CCDC33: variants seen among roughly 807,000 people sequenced by gnomAD.
CCDC33 encodes coiled-coil domain-containing protein 33.
A neutral mutation model predicts 91.9 loss-of-function variants in CCDC33; 94 were observed. The observed-to-expected ratio is 1.02, with a 90% CI of 0.87 to 1.21. CCDC33 has a LOEUF of 1.21. Ranked by LOEUF, CCDC33 falls within the 50% of genes most tolerant of loss-of-function variation. The probability of loss-of-function intolerance (pLI) is 0.00; values close to 1 mark genes in which losing one functional copy is unlikely to be tolerated. For missense variants in CCDC33, 940 were observed against 935.5 expected (o/e 1.00, Z -0.06); for synonymous variants, 396 against 374.5 (o/e 1.06, Z -0.66).
chr15:74,266,642 T>C (rs2076172874), intron 3 of CCDC33, 36 bp from the exon 4 acceptor site: 3 of 1,453,354 alleles, frequency 2.1e-6, no homozygotes, highest in Non-Finnish European at 1.9e-6. Context: ...GGGATCCATT[T>C]AAAAATAAAC....
At chr15:74,333,001 T>A in intron 16 of CCDC33, 156 bp downstream of exon 16, 1 of 884,046 alleles carries the variant, frequency 1.1e-6, no homozygotes, top group Non-Finnish European at 1.7e-6. Flanking sequence ...CAGGCCTTGG[T>A]CTTTTTCTCC....
intron 5 of CCDC33, 72 bp downstream of exon 5, chr15:74,268,530 C>T: frequency 8.3e-7 from 1 of 1,202,350 alleles, no homozygotes; most frequent in Non-Finnish European, 1.2e-6. Context: ...GGCCCCACGC[C>T]TTGCCCTTAG....
In CCDC33 at chr15:74,328,237, G is replaced by A. The variant is rs548540818; in HGVS notation, c.1291-1952G>A. Among the ~76,000 whole-genome samples, 4 of 152,294 alleles carry A rather than the reference G, an allele frequency of 2.6e-5. 1 individual carries two copies. Among genetic ancestry groups the A allele is most frequent in the African/African-American group, 9.6e-5 (4 of 41,568 alleles). On this transcript the variant is annotated intron_variant, in intron 11 of 18. Coordinates refer to ENST00000398814, the MANE Select transcript of CCDC33 (RefSeq NM_025055.5). ...AGCAAAGGAAGGGCCTGGGAGCTCTGGGGGCAGCAAGGAGGAAGAGGAAGG... is the reference window on the plus strand; with the variant it reads ...AGCAAAGGAAGGGCCTGGGAGCTCTAGGGGCAGCAAGGAGGAAGAGGAAGG...
chr15:74,253,183 T>C (rs1436388471), intron 2 of CCDC33, among the ~76,000 whole-genome samples: 1 of 152,172 alleles, frequency 6.6e-6, no homozygotes, highest in Non-Finnish European at 1.5e-5. Context: ...GGTGTCCTCA[T>C]TGCATCCTGC....
At chr15:74,229,610 A>G (rs2074905670) in intron 2 of CCDC33, among the ~76,000 whole-genome samples, 2 of 152,232 alleles carry the variant, frequency 1.3e-5, no homozygotes, top group Admixed American at 6.5e-5. Flanking sequence ...ACTGTTAGCT[A>G]TTATTATGAG....
In CCDC33 at chr15:74,244,082, C is replaced by A; in HGVS notation, c.119C>A (p.Thr40Asn). Residue 40 changes from threonine (T) to asparagine (N), a missense_variant, in exon 2 of 19, where the codon ACC (threonine) becomes AAC (asparagine). Thr to Asn is a moderately conservative substitution (Grantham distance 65). Transcript: ENST00000398814. The surrounding 1 kb of genome is among the most constrained non-coding windows in gnomAD (Gnocchi z 4.2). ...SPSKKETIMV[T>N]LHGATNLPAC... is the part of the protein sequence containing the mutation. ...TCTAAGAAGGAGACCATCATGGTCA[C>A]CCTCCATGGGGCTACCAACCTGCCT... 6.2e-7 allele frequency: 1 copy of A among 1,614,054 alleles called. No homozygotes were observed. Among genetic ancestry groups the A allele is most frequent in the Non-Finnish European group, 8.5e-7 (1 of 1,179,982 alleles).
At chr15:74,231,565 C>T (rs931342479), upstream of CCDC33, among the ~76,000 whole-genome samples, 6 of 152,302 alleles carry the variant, frequency 3.9e-5, no homozygotes, top group African/African-American at 1.4e-4. Flanking sequence ...AGCTGCGACT[C>T]CTTTCCCAGA....
intron 18 of CCDC33, 191 bp from the exon 19 acceptor site, chr15:74,335,734 C>T (rs1172562937): frequency 3.5e-6 from 2 of 579,310 alleles, no homozygotes; most frequent in South Asian, 2.0e-5. Flanking sequence ...TGCACACTCA[C>T]CTGAGCCCTG....
At chr15:74,258,439 G>A (rs756187894) in intron 2 of CCDC33, among the ~76,000 whole-genome samples, 1 of 152,168 alleles carries the variant, frequency 6.6e-6, no homozygotes, top group Admixed American at 6.5e-5. Context: ...CTTGACTATT[G>A]TTCATGATTT....
intron 2 of CCDC33, among the ~76,000 whole-genome samples, chr15:74,250,559 C>T (rs1162734922): frequency 6.6e-6 from 1 of 152,206 alleles, no homozygotes; most frequent in Non-Finnish European, 1.5e-5. Context: ...TCCCTCATTA[C>T]ATGTTTTCAT....
At chr15:74,295,242 C>A (rs948971301) in intron 10 of CCDC33, among the ~76,000 whole-genome samples, 1 of 152,218 alleles carries the variant, frequency 6.6e-6, no homozygotes, top group Non-Finnish European at 1.5e-5. Flanking sequence ...AGGTTCCTTG[C>A]TGACATGGGA....
chr15:74,236,945 G>A (rs768186022), intron 1 of CCDC33, among the ~76,000 whole-genome samples: 1 of 152,228 alleles, frequency 6.6e-6, no homozygotes, highest in Non-Finnish European at 1.5e-5. Context: ...CACGGGAACT[G>A]GAATGCAGTG....
intron 10 of CCDC33, 131 bp downstream of exon 10, chr15:74,281,980 T>G: frequency 1.4e-6 from 1 of 730,638 alleles, no homozygotes; most frequent in South Asian, 1.8e-5. Flanking sequence ...TAGAAACGTC[T>G]AAGGGTGATT....
intron 11 of CCDC33, among the ~76,000 whole-genome samples, chr15:74,313,834 C>T (rs1175573629): frequency 1.3e-5 from 2 of 152,102 alleles, no homozygotes; most frequent in Non-Finnish European, 2.9e-5. Context: ...TGCTTGGTGC[C>T]AGCATCCAGG....
At chr15:74,208,393 C>T (rs1037151569) in intron 1 of CCDC33, among the ~76,000 whole-genome samples, 1 of 152,120 alleles carries the variant, frequency 6.6e-6, no homozygotes, top group Non-Finnish European at 1.5e-5. Context: ...GGCTGGCCAC[C>T]GTGGTGTGGC....
Position 74,316,823 on chromosome 15 carries a change from C to A in CCDC33, c.1291-13366C>A, listed in dbSNP as rs1321812810. ...GCTGCTCGGACGTGTACACTCGCAG[C>A]CTCATTTAATCCCCAACAGCGTTAT... is the stretch of plus-strand genomic sequence containing the variant. On this transcript the variant is annotated intron_variant, in intron 11 of 18. Coordinates refer to ENST00000398814, the MANE Select transcript of CCDC33 (RefSeq NM_025055.5). The surrounding 1 kb of genome is among the most constrained non-coding windows in gnomAD (Gnocchi z 4.7). Among the ~76,000 whole-genome samples the A allele has an allele frequency of 6.6e-6, 1 of 152,198 alleles. No homozygotes were observed. The highest frequency in any genetic ancestry group is 1.5e-5 in the Non-Finnish European group (1 of 68,034).
intron 7 of CCDC33, among the ~76,000 whole-genome samples, 178 bp from the exon 8 acceptor site, chr15:74,279,785 C>T (rs1226771853): frequency 6.6e-6 from 1 of 152,242 alleles, no homozygotes; most frequent in Non-Finnish European, 1.5e-5. Context: ...GATCCACTTG[C>T]CTTGGCCTCC....
chr15:74,318,325 CA>C, intron 11 of CCDC33, among the ~76,000 whole-genome samples: 1 of 152,120 alleles, frequency 6.6e-6, no homozygotes, highest in East Asian at 1.9e-4. Flanking sequence ...GAGCCTGGGC[CA>C]GGGGAGTCAG....
intron 2 of CCDC33, among the ~76,000 whole-genome samples, chr15:74,257,252 T>C (rs1003811275): frequency 6.6e-6 from 1 of 152,194 alleles, no homozygotes; most frequent in Admixed American, 6.5e-5. Context: ...GCTCATGCCT[T>C]AAGTGGCAGC....
Sources: allele counts gnomAD v4.1 joint callset (sites outside exome capture counted in the v4.1 genomes callset), GRCh38; gene constraint gnomAD v4.1.1; non-coding constraint Gnocchi (gnomAD v3.1); transcripts MANE v1.5; gene names NCBI Gene and HGNC (gene_info 2026-07-23, HGNC 2026-07-21).